KYNU: variants seen among roughly 807,000 people sequenced by gnomAD.
KYNU encodes the protein kynureninase, also known as L-kynurenine hydrolase.
A neutral mutation model predicts 59.2 loss-of-function variants in KYNU; 54 were observed. The observed-to-expected ratio is 0.91, with a 90% confidence interval of 0.73 to 1.14. KYNU has a LOEUF of 1.14. KYNU is among the 50% of genes most tolerant of loss of function. The pLI, the probability that KYNU is intolerant of heterozygous loss-of-function variation, is 0.00. For synonymous variants in KYNU, 177 were observed against 192.0 expected, an observed-to-expected ratio of 0.92 and a Z score of 0.65; for missense variants, 567 against 554.4, an observed-to-expected ratio of 1.02 and a Z score of -0.23.
Position 142,929,018 on chromosome 2 carries a change from A to C in KYNU, c.373+1277A>C, listed in dbSNP as rs980421060. On this transcript the variant is annotated intron_variant, in intron 4 of 13. Transcript: ENST00000264170. ...GTGACACCCTGTCTCAAAAAAAAAA[A>C]AAAAAAACAAAAAACGAACAACACT... Among the ~76,000 whole-genome samples, 37 of 146,574 alleles carry C rather than the reference A, an allele frequency of 2.5e-4. 1 individual carries two copies. The highest frequency in any genetic ancestry group is 1.9e-3 in the Admixed American group (28 of 14,892).
chr2:142,947,300 C>A, intron 4 of KYNU: 1 of 1,372,410 alleles, frequency 7.3e-7, no homozygotes, highest in Non-Finnish European at 9.9e-7. Context: ...CACCACTACA[C>A]ACCTGTGTCA....
chr2:142,976,484 C>T (rs1368698221), intron 8 of KYNU, among the ~76,000 whole-genome samples: 7 of 152,156 alleles, frequency 4.6e-5, no homozygotes, highest in Non-Finnish European at 1.0e-4. Flanking sequence ...TACAGTCATT[C>T]AGTAGCTCTA....
At chr2:142,932,012 C>T (rs1683236511) in intron 4 of KYNU, among the ~76,000 whole-genome samples, 1 of 152,156 alleles carries the variant, frequency 6.6e-6, no homozygotes, top group Non-Finnish European at 1.5e-5. Context: ...AGCAGAGCGG[C>T]ATGTGAGTGA....
intron 2 of KYNU, among the ~76,000 whole-genome samples, 187 bp from the exon 3 acceptor site, chr2:142,918,422 A>G (rs957371255): frequency 7.2e-5 from 11 of 152,198 alleles, no homozygotes; most frequent in African/African-American, 1.9e-4. Flanking sequence ...GGTTTAAATT[A>G]TATTTTAAAT....
intron 8 of KYNU, among the ~76,000 whole-genome samples, chr2:142,977,216 G>A (rs1453771761): frequency 1.3e-5 from 2 of 151,914 alleles, no homozygotes; most frequent in Admixed American, 6.6e-5. Context: ...TTCAGATGGG[G>A]CCTTAGAATT....
At chr2:142,986,519 A>C (rs1685204401) in intron 10 of KYNU, among the ~76,000 whole-genome samples, 1 of 151,932 alleles carries the variant, frequency 6.6e-6, no homozygotes, top group Non-Finnish European at 1.5e-5. Flanking sequence ...AAACCCGAAG[A>C]AGCTGAACAC....
intron 1 of KYNU, among the ~76,000 whole-genome samples, chr2:142,878,394 C>T (rs1439990734): frequency 1.3e-5 from 2 of 152,070 alleles, no homozygotes; most frequent in Non-Finnish European, 2.9e-5. Flanking sequence ...ATGAAATATA[C>T]ACTCGTAGCA....
chr2:142,972,404 C>G (rs776683075), intron 8 of KYNU, among the ~76,000 whole-genome samples: 5 of 152,116 alleles, frequency 3.3e-5, no homozygotes, highest in Non-Finnish European at 7.4e-5. Context: ...CTCCTCTTAT[C>G]TCTCATCTCT....
intron 10 of KYNU, among the ~76,000 whole-genome samples, chr2:143,026,696 C>T (rs943932034): frequency 6.6e-6 from 1 of 152,210 alleles, no homozygotes; most frequent in Admixed American, 6.5e-5. Flanking sequence ...CTGCGACTCT[C>T]AGAGCCCCAG....
intron 1 of KYNU, 37 bp from the exon 2 acceptor site, chr2:142,885,312 T>C: frequency 6.4e-7 from 1 of 1,562,754 alleles, no homozygotes; most frequent in Non-Finnish European, 8.8e-7. Context: ...ACAGGAAAAT[T>C]ATGGTGGCTA....
Position 143,052,119 on chromosome 2 carries a change from A to C in KYNU, c.*9947A>C, listed in dbSNP as rs1687277566. 1 of 152,200 alleles carries C rather than the reference A, an allele frequency of 6.6e-6. No individual in the cohort carries two copies. Among genetic ancestry groups the C allele is most frequent in the South Asian group, 2.1e-4 (1 of 4,824 alleles). 9.4% of individuals were successfully genotyped at this position (152,200 alleles called of 1,614,324 possible). ...TTTAGACATAAAGCAAAGAGACTGG[A>C]GGCATTTTGCCCCTGCCCTAGAGAT... On this transcript the variant is annotated 3_prime_UTR_variant, in exon 14 of 14. Transcript: ENST00000264170.
intron 10 of KYNU, among the ~76,000 whole-genome samples, chr2:143,025,376 TG>T (rs1686521202): frequency 6.6e-6 from 1 of 152,238 alleles, no homozygotes; most frequent in East Asian, 1.9e-4. Flanking sequence ...ATTAGCAATT[TG>T]GGGGAGGTAC....
At position 142,943,783 on chromosome 2, in the gene KYNU, G is replaced by A. The variant is rs191028361; in HGVS notation, c.374-11027G>A. On this transcript the variant is annotated intron_variant, in intron 4 of 13. Transcript: ENST00000264170. Reference sequence around the variant, plus strand: ...CCCACAGCTGCAGACCCTCAGTCATGTACCAGCCACCTCTAAAGGCTGCTG... The same window carrying A: ...CCCACAGCTGCAGACCCTCAGTCATATACCAGCCACCTCTAAAGGCTGCTG... 2.4e-3 allele frequency among the ~76,000 whole-genome samples: 368 copies of A among 152,254 alleles called. 1 individual carries two copies. The highest frequency in any genetic ancestry group is 8.3e-3 in the African/African-American group (346 of 41,532).
chr2:142,889,632 C>T (rs1484592806), intron 2 of KYNU, among the ~76,000 whole-genome samples: 1 of 152,122 alleles, frequency 6.6e-6, no homozygotes, highest in Non-Finnish European at 1.5e-5. Flanking sequence ...TGTTCTGACC[C>T]CCAACGGTGT....
intron 10 of KYNU, among the ~76,000 whole-genome samples, chr2:143,004,508 C>T (rs425353): frequency 0.12 from 18,782 of 152,042 alleles, 1,324 homozygotes; most frequent in East Asian, 0.25. Flanking sequence ...GTCAGGTGGT[C>T]GAGACCAGCC....
At position 142,927,641 on chromosome 2, in the gene KYNU, G is replaced by A; in HGVS notation, c.291-18G>A. 1 of 1,588,302 alleles carries A rather than the reference G, an allele frequency of 6.3e-7. No homozygotes were observed. The highest frequency in any genetic ancestry group is 8.6e-7 in the Non-Finnish European group (1 of 1,156,714). On this transcript the variant is annotated intron_variant, in intron 3 of 13. Coordinates refer to ENST00000264170, the MANE Select transcript of KYNU (RefSeq NM_003937.3). ...CACATAAAAGCTAAGATATGTTTAT[G>A]TCCGTTTTCAATTTCAGAGCAGCCT... is the stretch of plus-strand genomic sequence containing the variant.
At chr2:142,884,688 C>CTTTTTTTTTTTTTTTTTTTTTT (rs70997529) in intron 1 of KYNU, among the ~76,000 whole-genome samples, 18 of 77,054 alleles carry the variant, frequency 2.3e-4, no homozygotes, top group Middle Eastern at 9.8e-3. Flanking sequence ...TTCTCTTTTC[C>CTTTTTTTTTTTTTTTTTTTTTT]TTTTTTTTTT....
chr2:142,929,018 A>AAC, intron 4 of KYNU, among the ~76,000 whole-genome samples: 1 of 146,648 alleles, frequency 6.8e-6, no homozygotes, highest in South Asian at 2.1e-4. Context: ...AAAAAAAAAA[A>AAC]AAAAAAACAA....
chr2:142,885,227 T>C, intron 1 of KYNU, 122 bp from the exon 2 acceptor site: 3 of 756,116 alleles, frequency 4.0e-6, no homozygotes, highest in Non-Finnish European at 6.8e-6. Context: ...GTTGGTTAAG[T>C]ATATTATTCC....
Sources: gnomAD v4.1 joint callset for allele counts (sites outside exome capture counted in the v4.1 genomes callset) on GRCh38, gnomAD v4.1.1 for gene constraint, MANE v1.5 for transcripts, NCBI Gene and HGNC (gene_info 2026-07-23, HGNC 2026-07-21) for gene names.